Variants in SH3GL2 observed in about 807,000 individuals in gnomAD.
The protein encoded by SH3GL2 is endophilin-A1.
A neutral mutation model predicts 46.0 loss-of-function variants in SH3GL2; 24 were observed. The ratio of observed to expected loss-of-function variants is 0.52; its 90% CI spans 0.38 to 0.73. The LOEUF (loss-of-function observed/expected upper bound fraction) is 0.73, where lower values mean the gene tolerates loss of function less well. SH3GL2 is among the 30% of genes least tolerant of loss of function. The pLI, the probability that SH3GL2 is intolerant of heterozygous loss-of-function variation, is 0.00. For missense variants in SH3GL2, 413 were observed against 424.2 expected (o/e 0.97, Z 0.23); for synonymous variants, 196 against 147.1 (o/e 1.33, Z -2.40).
At chr9:17,593,870 A>C (rs1351895791) in intron 1 of SH3GL2, among the ~76,000 whole-genome samples, 1 of 152,112 alleles carries the variant, frequency 6.6e-6, no homozygotes, top group Non-Finnish European at 1.5e-5. Context: ...CACATCTCCT[A>C]GTTTTCCCAT....
At chr9:17,618,793 TTGTG>T (rs149930816) in intron 1 of SH3GL2, among the ~76,000 whole-genome samples, 3,915 of 149,574 alleles carry the variant, frequency 0.026, 176 homozygotes, top group African/African-American at 0.09. Flanking sequence ...TTGGCTTATT[TTGTG>T]TGTGTGTGTG....
intron 1 of SH3GL2, among the ~76,000 whole-genome samples, chr9:17,682,810 A>C (rs552553387): frequency 2.6e-5 from 4 of 152,218 alleles, no homozygotes; most frequent in Non-Finnish European, 5.9e-5. Context: ...GCACTTCCTC[A>C]CATGCTCATA....
intron 1 of SH3GL2, among the ~76,000 whole-genome samples, chr9:17,637,655 T>C (rs1299430605): frequency 2.0e-5 from 3 of 152,242 alleles, no homozygotes; most frequent in Non-Finnish European, 4.4e-5. Flanking sequence ...TTTAGGCAAA[T>C]GTCTTGTCCT....
chr9:17,647,472 C>T (rs1316709005), intron 1 of SH3GL2, among the ~76,000 whole-genome samples: 1 of 152,000 alleles, frequency 6.6e-6, no homozygotes, highest in Non-Finnish European at 1.5e-5. Flanking sequence ...TTTAGGAAGA[C>T]ATAAAGATAC....
At chr9:17,661,363 A>G (rs972074912) in intron 1 of SH3GL2, among the ~76,000 whole-genome samples, 1 of 152,086 alleles carries the variant, frequency 6.6e-6, no homozygotes, top group Non-Finnish European at 1.5e-5. Flanking sequence ...GGATGGAGAG[A>G]CATCTTGATA....
chr9:17,790,305 G>C lies in SH3GL2; in HGVS notation c.624+755G>C, dbSNP rs530803725. The C allele has an allele frequency of 4.3e-5, 12 of 281,330 alleles. No homozygotes were observed. In the South Asian group the frequency reaches 1.2e-3, roughly 29 times the overall value. The allele number at this position is 281,330 out of a possible 1,614,324, so 17.4% of individuals were successfully genotyped here. On this transcript the variant is annotated intron_variant, in intron 6 of 8. Coordinates refer to ENST00000380607, the MANE Select transcript of SH3GL2 (RefSeq NM_003026.5). Reference sequence around the variant, plus strand: ...AGTCTCCTCTGGAAACACCCTAACAGACACACCCAGAAATAATGCTTTACC... The same window carrying C: ...AGTCTCCTCTGGAAACACCCTAACACACACACCCAGAAATAATGCTTTACC...
chr9:17,770,355 A>G (rs1823438232), intron 3 of SH3GL2, among the ~76,000 whole-genome samples: 1 of 152,218 alleles, frequency 6.6e-6, no homozygotes, highest in African/African-American at 2.4e-5. Context: ...TTATTCAGAT[A>G]TTACTATCTC....
chr9:17,665,499 G>T lies in SH3GL2; in HGVS notation c.46-81567G>T, dbSNP rs575456958. Among the ~76,000 whole-genome samples the T allele has an allele frequency of 2.0e-5, 3 of 151,980 alleles. No homozygotes were observed. The South Asian group carries it at 6.2e-4, about 32-fold the overall frequency. On this transcript the variant is annotated intron_variant, in intron 1 of 8. Transcript: ENST00000380607. ...GCTGTTTCTTCATAATAGTATTCAG[G>T]TGTTTATTTGCTTATTTATTCATTA...
intron 1 of SH3GL2, among the ~76,000 whole-genome samples, chr9:17,604,936 T>C (rs1543479): frequency 0.71 from 107,212 of 151,282 alleles, 40,625 homozygotes; most frequent in Non-Finnish European, 0.84. Flanking sequence ...CCTGGTATAG[T>C]TTGAGTCAGG....
chr9:17,630,484 G>A (rs1272303757), intron 1 of SH3GL2: 2 of 152,210 alleles, frequency 1.3e-5, no homozygotes, highest in Non-Finnish European at 2.9e-5. Context: ...CCGTTTGTTG[G>A]AAGCCTGCAA....
chr9:17,773,239 AT>A (rs1563848637), intron 3 of SH3GL2, among the ~76,000 whole-genome samples: 2 of 151,970 alleles, frequency 1.3e-5, no homozygotes, highest in Non-Finnish European at 2.9e-5. Context: ...ATTTACAAAT[AT>A]TTTCCCCCAT....
At position 17,787,503 on chromosome 9, in the gene SH3GL2, G is replaced by A. The variant is rs1170019860; in HGVS notation, c.455G>A (p.Arg152Lys). 2 of 1,612,638 alleles carry A rather than the reference G, an allele frequency of 1.2e-6. No homozygotes were observed. The change falls in exon 5 of 9, where the codon AGG (arginine) becomes AAG (lysine). Residue 152 changes from arginine to lysine, a missense_variant. This residue lies in a region of SH3GL2 where 160 missense variants were observed against 192.3 expected (regional missense o/e 0.83). Transcript: ENST00000380607. ...PLQNLHDKDL[R>K]EIQHHLKKLE... The stretch of plus-strand genomic sequence containing the variant: ...CAGAATCTTCATGACAAAGATCTTA[G>A]GGAAATTCAAGTATGTACAATGAGT...
chr9:17,632,969 A>G (rs541628575), intron 1 of SH3GL2, among the ~76,000 whole-genome samples: 1 of 152,338 alleles, frequency 6.6e-6, no homozygotes, highest in East Asian at 1.9e-4. Flanking sequence ...CCTGAGGACA[A>G]AAGTAGTTTG....
At chr9:17,587,640 G>C (rs1042112956) in intron 1 of SH3GL2, among the ~76,000 whole-genome samples, 1 of 152,168 alleles carries the variant, frequency 6.6e-6, no homozygotes, top group African/African-American at 2.4e-5. Context: ...CACTTTGGGA[G>C]GCCGAGGTGG....
At chr9:17,742,190 A>C (rs1822545072) in intron 1 of SH3GL2, among the ~76,000 whole-genome samples, 1 of 152,200 alleles carries the variant, frequency 6.6e-6, no homozygotes, top group East Asian at 1.9e-4. Flanking sequence ...GTTTGGAGGC[A>C]CAGTGGTTGG....
chr9:17,705,696 A>C (rs116434247), intron 1 of SH3GL2, among the ~76,000 whole-genome samples: 1 of 152,202 alleles, frequency 6.6e-6, no homozygotes, highest in African/African-American at 2.4e-5. Flanking sequence ...GTGAACTAAC[A>C]CAGGAACAGA....
chr9:17,635,948 C>T (rs1819532358), intron 1 of SH3GL2, among the ~76,000 whole-genome samples: 3 of 152,178 alleles, frequency 2.0e-5, no homozygotes, highest in Admixed American at 1.3e-4. Context: ...ACCAAGAGGT[C>T]CTAAATGCAG....
intron 1 of SH3GL2, among the ~76,000 whole-genome samples, chr9:17,636,374 C>T (rs1008429613): frequency 6.6e-6 from 1 of 152,156 alleles, no homozygotes; most frequent in Non-Finnish European, 1.5e-5. Flanking sequence ...ACACCCAAAA[C>T]TCCCATCTTT....
chr9:17,611,413 G>C (rs3808759), intron 1 of SH3GL2, among the ~76,000 whole-genome samples: 73,387 of 151,920 alleles, frequency 0.48, 19,738 homozygotes, highest in Non-Finnish European at 0.59. Flanking sequence ...CTTATCCTTG[G>C]GGCATTACAA....
Sources: gnomAD v4.1 joint callset for allele counts (sites outside exome capture counted in the v4.1 genomes callset) on GRCh38, gnomAD v4.1.1 for gene constraint, gnomAD v4.1.1 regional missense constraint, MANE v1.5 for transcripts, NCBI Gene and HGNC (gene_info 2026-07-23, HGNC 2026-07-21) for gene names.